Variants in MTDH observed in about 807,000 individuals in gnomAD.
MTDH encodes metadherin, also known as protein LYRIC.
A neutral mutation model predicts 72.7 loss-of-function variants in MTDH; 34 were observed. The observed-to-expected ratio is 0.47, with a 90% CI of 0.36 to 0.62. The LOEUF (loss-of-function observed/expected upper bound fraction) is 0.62, where lower values mean the gene tolerates loss of function less well. Among genes scored for constraint, MTDH ranks in the 20% least tolerant of loss-of-function variants. The pLI, the probability that MTDH is intolerant of heterozygous loss-of-function variation, is 0.00. For synonymous variants in MTDH, 266 were observed against 268.9 expected (o/e 0.99, Z 0.10); for missense variants, 677 against 699.4 (o/e 0.97, Z 0.36).
At chr8:97,717,950 A>G (rs550549974) in intron 9 of MTDH, among the ~76,000 whole-genome samples, 26 of 152,172 alleles carry the variant, frequency 1.7e-4, no homozygotes, top group Non-Finnish European at 3.5e-4. Flanking sequence ...GGGTTTCACC[A>G]TGTTGGCCAG....
chr8:97,683,075 TTTTTTTTG>T, intron 2 of MTDH, among the ~76,000 whole-genome samples: 1 of 122,582 alleles, frequency 8.2e-6, no homozygotes, highest in African/African-American at 3.5e-5. Context: ...TTTTTTTTTT[TTTTTTTTG>T]AGATGGAGTC....
Position 97,644,824 on chromosome 8 carries a change from G to A in MTDH, c.318G>A (p.Leu106=). Residue 106 remains leucine (L), a synonymous_variant, in exon 1 of 12, where the codon CTG becomes CTA. Transcript: ENST00000336273. ...PAAAPDDLAL[L]KNLRSEEQKK... ...CGGCCCCCGACGACCTGGCCTTGCTGAAGAATCTCCGGAGCGAGGAACAGA... is the reference window on the plus strand; with the variant it reads ...CGGCCCCCGACGACCTGGCCTTGCTAAAGAATCTCCGGAGCGAGGAACAGA... 3 of 1,578,560 alleles carry A rather than the reference G, an allele frequency of 1.9e-6. No homozygotes were observed. Among genetic ancestry groups the A allele is most frequent in the Non-Finnish European group, 2.6e-6 (3 of 1,169,240 alleles).
chr8:97,691,247 A>G (rs140999822), intron 6 of MTDH, 59 bp downstream of exon 6: 3 of 1,254,452 alleles, frequency 2.4e-6, no homozygotes, highest in Non-Finnish European at 2.2e-6. Flanking sequence ...TACATTTTTA[A>G]TTTTTCAGAA....
chr8:97,720,789 G>T (rs1815090928), intron 10 of MTDH, among the ~76,000 whole-genome samples: 1 of 151,474 alleles, frequency 6.6e-6, no homozygotes, highest in Admixed American at 6.6e-5. Context: ...AAGTAGCTGG[G>T]ATTACAGGTG....
intron 2 of MTDH, among the ~76,000 whole-genome samples, chr8:97,669,932 A>AG (rs1228593649): frequency 1.3e-5 from 2 of 151,740 alleles, no homozygotes; most frequent in East Asian, 3.9e-4. Context: ...CAAAAAAAAA[A>AG]AAAAAACTAC....
intron 2 of MTDH, among the ~76,000 whole-genome samples, chr8:97,665,118 CAT>C (rs1812326510): frequency 1.3e-5 from 2 of 152,212 alleles, no homozygotes; most frequent in East Asian, 1.9e-4. Flanking sequence ...TATATATTAT[CAT>C]ATTTTTGTTT....
intron 2 of MTDH, among the ~76,000 whole-genome samples, chr8:97,668,143 C>T (rs926927271): frequency 1.1e-4 from 16 of 151,906 alleles, no homozygotes; most frequent in African/African-American, 3.6e-4. Context: ...AAAAACTAGC[C>T]GAGCGAGGTG....
intron 1 of MTDH, among the ~76,000 whole-genome samples, chr8:97,660,159 C>CA (rs200417228): frequency 0.044 from 6,678 of 151,492 alleles, 205 homozygotes; most frequent in Non-Finnish European, 0.066. Context: ...AACTCCGTCT[C>CA]AAAAAAAAGG....
chr8:97,676,365 T>C (rs1812846948), intron 2 of MTDH, among the ~76,000 whole-genome samples: 1 of 152,226 alleles, frequency 6.6e-6, no homozygotes, highest in South Asian at 2.1e-4. Flanking sequence ...TTGTGATAGT[T>C]TTGATACTAT....
At chr8:97,660,989 G>T in intron 1 of MTDH, 83 bp from the exon 2 acceptor site, 2 of 1,030,580 alleles carry the variant, frequency 1.9e-6, no homozygotes, top group Non-Finnish European at 2.9e-6. Flanking sequence ...TTTGATTGTA[G>T]TATATATGGT....
At chr8:97,693,950 A>C (rs886465800) in intron 6 of MTDH, among the ~76,000 whole-genome samples, 1 of 151,980 alleles carries the variant, frequency 6.6e-6, no homozygotes, top group Non-Finnish European at 1.5e-5. Context: ...CTTGGGCTCA[A>C]GTGATCCACC....
At chr8:97,648,716 G>C (rs1334840836) in intron 1 of MTDH, among the ~76,000 whole-genome samples, 7 of 152,158 alleles carry the variant, frequency 4.6e-5, no homozygotes. Flanking sequence ...TGTTTATAAA[G>C]ATTTGCTATA....
At chr8:97,711,353 AG>A (rs1301616457) in intron 8 of MTDH, among the ~76,000 whole-genome samples, 2 of 151,056 alleles carry the variant, frequency 1.3e-5, no homozygotes, top group South Asian at 2.1e-4. Flanking sequence ...AAAAAAAAAA[AG>A]AAAAATCAGC....
chr8:97,658,868 G>T (rs1391308785), intron 1 of MTDH, among the ~76,000 whole-genome samples: 1 of 152,188 alleles, frequency 6.6e-6, no homozygotes, highest in East Asian at 1.9e-4. Flanking sequence ...TAGAGGCCGG[G>T]TGTGGTGGCT....
At chr8:97,688,792 A>G (rs1419212571) in intron 4 of MTDH, among the ~76,000 whole-genome samples, 3 of 152,218 alleles carry the variant, frequency 2.0e-5, no homozygotes, top group Admixed American at 6.5e-5. Flanking sequence ...CTGTCTGTAC[A>G]TAGGCAGTTT....
chr8:97,688,004 G>A (rs1813434553), intron 4 of MTDH, among the ~76,000 whole-genome samples: 1 of 152,212 alleles, frequency 6.6e-6, no homozygotes, highest in Non-Finnish European at 1.5e-5. Flanking sequence ...AATCATGCAT[G>A]TTCTGGTGAG....
chr8:97,683,906 G>A (rs562206950), intron 2 of MTDH, among the ~76,000 whole-genome samples: 2 of 152,124 alleles, frequency 1.3e-5, no homozygotes, highest in Non-Finnish European at 1.5e-5. Context: ...GAGGTTGGAA[G>A]TTTGAGACCA....
chr8:97,665,521 T>C (rs1187091700), intron 2 of MTDH, among the ~76,000 whole-genome samples: 1 of 152,162 alleles, frequency 6.6e-6, no homozygotes, highest in African/African-American at 2.4e-5. Flanking sequence ...ATACAAGGCA[T>C]TAAGTGCTGG....
chr8:97,702,449 G>A (rs1451151583), intron 7 of MTDH, among the ~76,000 whole-genome samples: 3 of 152,126 alleles, frequency 2.0e-5, no homozygotes, highest in East Asian at 1.9e-4. Context: ...CGGCTGAGAA[G>A]ATTAAATGAG....
Sources: allele counts gnomAD v4.1 joint callset (sites outside exome capture counted in the v4.1 genomes callset), GRCh38; gene constraint gnomAD v4.1.1; transcripts MANE v1.5; gene names NCBI Gene and HGNC (gene_info 2026-07-23, HGNC 2026-07-21).